ZBBX: variants seen among roughly 807,000 people sequenced by gnomAD.
ZBBX encodes zinc finger B-box domain containing, also known as zinc finger B-box domain-containing protein 1.
In ZBBX, 101 loss-of-function variants were observed where a neutral mutation model predicts 108.5. The ratio of observed to expected loss-of-function variants is 0.93; its 90% CI spans 0.79 to 1.10. ZBBX has a LOEUF of 1.10. Ranked by LOEUF, ZBBX falls within the 50% of genes least tolerant of loss-of-function variation. The pLI, the probability that ZBBX is intolerant of heterozygous loss-of-function variation, is 0.00. For missense variants in ZBBX, 1,009 were observed against 941.4 expected, an observed-to-expected ratio of 1.07 and a Z score of -0.94; for synonymous variants, 356 against 323.4, an observed-to-expected ratio of 1.10 and a Z score of -1.08.
In ZBBX at chr3:167,282,183, G is replaced by C. The variant is rs55855168; in HGVS notation, c.2254+55C>G. On this transcript the variant is annotated intron_variant, in intron 20 of 21. Coordinates refer to ENST00000675490, the MANE Select transcript of ZBBX (RefSeq NM_001199201.2). ...TGTTAGCGCAAGATATGAAGAATCC[G>C]GCTGAGGGCAGAGTTAATTAGCATT... The C allele has an allele frequency of 3.1e-3, 4,718 of 1,512,542 alleles. 129 individuals carry two copies. In the African/African-American group the frequency reaches 0.059, roughly 19 times the overall value. 93.7% of individuals were successfully genotyped at this position (1,512,542 alleles called of 1,614,324 possible). A position where few individuals can be genotyped will look rare whatever the true frequency, so the allele number is the denominator to read the frequency against.
At chr3:167,337,283 C>T (rs1294370461) in intron 9 of ZBBX, among the ~76,000 whole-genome samples, 4 of 151,928 alleles carry the variant, frequency 2.6e-5, no homozygotes, top group African/African-American at 4.8e-5. Flanking sequence ...TTTGTGAGGC[C>T]GAGGTGGGAG....
Position 167,343,973 on chromosome 3 carries a change from T to C in ZBBX, c.528+6447A>G, listed in dbSNP as rs187805910. 6.6e-5 allele frequency among the ~76,000 whole-genome samples: 10 copies of C among 151,944 alleles called. No individual in the cohort carries two copies. The East Asian group carries it at 1.9e-3, about 29-fold the overall frequency. On this transcript the variant is annotated intron_variant, in intron 9 of 21. Transcript: ENST00000675490. Reference sequence around the variant, plus strand: ...CCAAAAGGTGGAAACAACCCGAATATCCATCAAATGATGAATGAATAAACA... The same window carrying C: ...CCAAAAGGTGGAAACAACCCGAATACCCATCAAATGATGAATGAATAAACA...
At chr3:167,296,902 G>A (rs1424823103) in intron 18 of ZBBX, among the ~76,000 whole-genome samples, 3 of 151,820 alleles carry the variant, frequency 2.0e-5, no homozygotes, top group African/African-American at 7.3e-5. Context: ...AATCACCAGG[G>A]ACCCTGAATA....
Position 167,374,784 on chromosome 3 carries a change from A to T in ZBBX, c.-131-997T>A, listed in dbSNP as rs544608926. On this transcript the variant is annotated intron_variant, in intron 2 of 21. Transcript: ENST00000675490. ...AATTTATACATGTGATAATATAGGA[A>T]GTGAAAGAAAAGAGAGAATTCAGCT... 4.6e-5 allele frequency among the ~76,000 whole-genome samples: 7 copies of T among 152,288 alleles called. No individual in the cohort carries two copies. The South Asian group carries it at 1.5e-3, about 32-fold the overall frequency.
At chr3:167,323,039 C>A (rs1339253071) in intron 11 of ZBBX, among the ~76,000 whole-genome samples, 1 of 151,926 alleles carries the variant, frequency 6.6e-6, no homozygotes, top group Non-Finnish European at 1.5e-5. Context: ...AGTAAGGAAT[C>A]CCACTTCTAT....
chr3:167,232,415 TA>T, the ZBBX span, among the ~76,000 whole-genome samples: 1 of 151,840 alleles, frequency 6.6e-6, no homozygotes, highest in Non-Finnish European at 1.5e-5. Flanking sequence ...ACATCCTTGG[TA>T]AAAGTTCTAT....
chr3:167,236,717 T>C (rs1720243973), downstream of ZBBX, among the ~76,000 whole-genome samples: 1 of 151,758 alleles, frequency 6.6e-6, no homozygotes, highest in South Asian at 2.1e-4. Flanking sequence ...ACTAATGACA[T>C]CCCATTCTGA....
At chr3:167,299,473 T>A (rs1417002055) in intron 17 of ZBBX, among the ~76,000 whole-genome samples, 1 of 152,106 alleles carries the variant, frequency 6.6e-6, no homozygotes, top group Non-Finnish European at 1.5e-5. Context: ...AATTATGCAA[T>A]CGCAAATCTG....
the ZBBX span, among the ~76,000 whole-genome samples, chr3:167,198,387 T>C: frequency 4.6e-5 from 7 of 152,136 alleles, no homozygotes; most frequent in Admixed American, 3.3e-4. Flanking sequence ...CCTAATATGA[T>C]AATGTAAAAA....
At chr3:167,343,437 C>A (rs945360664) in intron 9 of ZBBX, among the ~76,000 whole-genome samples, 10 of 151,990 alleles carry the variant, frequency 6.6e-5, no homozygotes, top group Admixed American at 2.0e-4. Flanking sequence ...ATTCTCCCTA[C>A]CCCTTTCAAT....
chr3:167,361,015 T>C (rs918746581), intron 6 of ZBBX, among the ~76,000 whole-genome samples: 3 of 152,092 alleles, frequency 2.0e-5, no homozygotes, highest in Non-Finnish European at 2.9e-5. Flanking sequence ...TATGAAATTA[T>C]TTGCTAGTAT....
intron 18 of ZBBX, among the ~76,000 whole-genome samples, chr3:167,294,974 TA>T (rs1731366287): frequency 6.6e-6 from 1 of 151,994 alleles, no homozygotes; most frequent in Non-Finnish European, 1.5e-5. Context: ...GAGAAATGCA[TA>T]TCAAAACCAC....
At chr3:167,256,102 T>C (rs1723461198) in intron 20 of ZBBX, among the ~76,000 whole-genome samples, 1 of 152,132 alleles carries the variant, frequency 6.6e-6, no homozygotes, top group South Asian at 2.1e-4. Flanking sequence ...CAAAACAATC[T>C]CCAGTGCCAT....
intron 12 of ZBBX, among the ~76,000 whole-genome samples, chr3:167,318,106 A>C (rs1735767629): frequency 6.6e-6 from 1 of 151,978 alleles, no homozygotes. Flanking sequence ...AACAATGAAG[A>C]CTGCTGCAGC....
Position 167,330,865 on chromosome 3 carries a change from G to GAAGA in ZBBX, c.688-2750_688-2749insTCTT, listed in dbSNP as rs1553820632. Among the ~76,000 whole-genome samples the GAAGA allele has an allele frequency of 1.2e-3, 26 of 21,854 alleles. 1 individual carries two copies. Among genetic ancestry groups the GAAGA allele is most frequent in the African/African-American group, 3.4e-3 (25 of 7,294 alleles). 14.3% of individuals were successfully genotyped at this position (21,854 alleles called of 152,430 possible). ...GGAAGAGGAGGAGGAGGAGGAGGAG[G>GAAGA]AGGAGGAGAAGAAGAAGAAGAAGAA... On this transcript the variant is annotated intron_variant, in intron 10 of 21. Transcript: ENST00000675490.
chr3:167,314,957 C>G (rs116438821), intron 15 of ZBBX, among the ~76,000 whole-genome samples: 2,505 of 152,200 alleles, frequency 0.016, 70 homozygotes, highest in African/African-American at 0.058. Context: ...AGTTGTCTCC[C>G]GCCAAAACCC....
At chr3:167,243,315 C>A (rs956660719) in intron 20 of ZBBX, among the ~76,000 whole-genome samples, 16 of 152,014 alleles carry the variant, frequency 1.1e-4, no homozygotes, top group African/African-American at 3.9e-4. Context: ...TTTTTCACTG[C>A]TGAAATTATA....
In ZBBX at chr3:167,240,924, A is replaced by T. The variant is rs1720553834; in HGVS notation, c.2394-5T>A. 1.9e-6 allele frequency: 3 copies of T among 1,612,514 alleles called. No homozygotes were observed. The highest frequency in any genetic ancestry group is 1.7e-6 in the Non-Finnish European group (2 of 1,179,090). ...TTGGTATCTCTTCCAGAACAGCTGA[A>T]AATACATAACAAGATCAATACACAA... is the stretch of plus-strand genomic sequence containing the variant. On this transcript the variant is annotated splice_region_variant and splice_polypyrimidine_tract_variant and intron_variant, in intron 21 of 21. Transcript: ENST00000675490.
chr3:167,327,849 G>C, intron 11 of ZBBX, 93 bp downstream of exon 11: 2 of 1,235,662 alleles, frequency 1.6e-6, no homozygotes, highest in Non-Finnish European at 2.2e-6. Context: ...GGAAGGTGGA[G>C]GTTGCAGTAA....
Sources: gnomAD v4.1 joint callset for allele counts (sites outside exome capture counted in the v4.1 genomes callset) on GRCh38, gnomAD v4.1.1 for gene constraint, MANE v1.5 for transcripts, NCBI Gene and HGNC (gene_info 2026-07-23, HGNC 2026-07-21) for gene names.